The following CIMAP1D variants were observed in gnomAD, a reference collection of about 807,000 sequenced individuals.
The protein encoded by CIMAP1D is protein CIMAP1D.
At chr19:467,569 G>A in the CIMAP1D span, 4 of 894,110 alleles carry the variant, frequency 4.5e-6, no homozygotes, top group South Asian at 3.9e-5. Flanking sequence ...AGGATAAGAG[G>A]GGGAGGGAGG....
At chr19:467,225 G>C in the CIMAP1D span, among the ~76,000 whole-genome samples, 1 of 151,752 alleles carries the variant, frequency 6.6e-6, no homozygotes, top group Non-Finnish European at 1.5e-5. Flanking sequence ...TGGATGGACG[G>C]GTGGGTAGAT....
chr19:463,516 T>A, the CIMAP1D span: 1 of 400,746 alleles, frequency 2.5e-6, no homozygotes, highest in Non-Finnish European at 4.5e-6. Context: ...GGACGCCGAG[T>A]TCTGGGACAC....
At chr19:481,371 ATGGAGAAGGAATG>A in the CIMAP1D span, among the ~76,000 whole-genome samples, 1 of 132,374 alleles carries the variant, frequency 7.6e-6, no homozygotes, top group African/African-American at 3.0e-5. Context: ...GAGAACGATG[ATGGAGAAGGAATG>A]TGGGAAGGAT....
the CIMAP1D span, chr19:472,496 C>G: frequency 6.5e-7 from 1 of 1,542,130 alleles, no homozygotes; most frequent in South Asian, 1.2e-5. Flanking sequence ...AAGCCTGGCC[C>G]CGAGCCTGCA....
At chr19:481,002 CGAT>C in the CIMAP1D span, among the ~76,000 whole-genome samples, 5,161 of 94,924 alleles carry the variant, frequency 0.054, 708 homozygotes, top group African/African-American at 0.26. Flanking sequence ...TGATGGAAAA[CGAT>C]GACGGAGAAT....
chr19:489,005 C>A, the CIMAP1D span, among the ~76,000 whole-genome samples: 2 of 152,174 alleles, frequency 1.3e-5, no homozygotes, highest in South Asian at 4.1e-4. Context: ...CTCGGAGGAC[C>A]GCGGGCTAGA....
the CIMAP1D span, among the ~76,000 whole-genome samples, chr19:479,003 A>G: frequency 1.2e-4 from 18 of 152,356 alleles, 1 homozygote; most frequent in Middle Eastern, 6.8e-3. Context: ...ACGTGAGTGC[A>G]GAGGGCACGT....
chr19:464,317 G>C, the CIMAP1D span: 1 of 1,538,938 alleles, frequency 6.5e-7, no homozygotes, highest in Non-Finnish European at 8.7e-7. Context: ...CGCACAGGGG[G>C]CACCTTCTCT....
At chr19:472,323 G>T in the CIMAP1D span, 2 of 883,418 alleles carry the variant, frequency 2.3e-6, no homozygotes, top group Non-Finnish European at 3.3e-6. Context: ...GGGGTAAGGA[G>T]ACCCATCAGT....
At chr19:464,169 C>T in the CIMAP1D span, 1 of 1,504,846 alleles carries the variant, frequency 6.6e-7, no homozygotes, top group South Asian at 1.3e-5. Context: ...CACCGTGTAG[C>T]TGGGGCTGCT....
the CIMAP1D span, among the ~76,000 whole-genome samples, chr19:470,127 C>T: frequency 0.57 from 86,558 of 151,778 alleles, 28,072 homozygotes; most frequent in Non-Finnish European, 0.73. Flanking sequence ...AGCCTCCCCA[C>T]GCTGTCTCGG....
chr19:487,799 C>T, the CIMAP1D span, among the ~76,000 whole-genome samples: 1 of 152,170 alleles, frequency 6.6e-6, no homozygotes, highest in African/African-American at 2.4e-5. Flanking sequence ...CAATTTCTGC[C>T]TCCAAAGAAA....
At chr19:490,682 G>C in the CIMAP1D span, among the ~76,000 whole-genome samples, 1 of 152,212 alleles carries the variant, frequency 6.6e-6, no homozygotes, top group Non-Finnish European at 1.5e-5. Context: ...GGAGGCTTCA[G>C]GGCCAGGCGC....
chr19:474,317 T>C, the CIMAP1D span, among the ~76,000 whole-genome samples: 1 of 152,160 alleles, frequency 6.6e-6, no homozygotes, highest in Non-Finnish European at 1.5e-5. Context: ...GCTGGAAATA[T>C]TCCCTCCTCC....
the CIMAP1D span, among the ~76,000 whole-genome samples, chr19:478,079 C>A: frequency 6.6e-6 from 1 of 152,254 alleles, no homozygotes; most frequent in African/African-American, 2.4e-5. Context: ...TTGGACACAC[C>A]ATTTGCTCGT....
the CIMAP1D span, among the ~76,000 whole-genome samples, chr19:476,388 C>G: frequency 6.6e-6 from 1 of 151,970 alleles, no homozygotes; most frequent in Non-Finnish European, 1.5e-5. Flanking sequence ...TGGGGTTTCT[C>G]CATGTTGGCC....
the CIMAP1D span, among the ~76,000 whole-genome samples, chr19:491,149 T>C: frequency 1.3e-5 from 2 of 150,162 alleles, no homozygotes; most frequent in Non-Finnish European, 1.5e-5. Context: ...TGGTGGCACG[T>C]GCCTATAATC....
At chr19:478,058 A>G in the CIMAP1D span, among the ~76,000 whole-genome samples, 1 of 152,190 alleles carries the variant, frequency 6.6e-6, no homozygotes, top group Non-Finnish European at 1.5e-5. Context: ...AGGCCCTGTC[A>G]CTGCCCAACC....
chr19:466,041 GAT>G, the CIMAP1D span, among the ~76,000 whole-genome samples: 2,439 of 140,052 alleles, frequency 0.017, 84 homozygotes, highest in African/African-American at 0.056. Flanking sequence ...TGGGTGGGTG[GAT>G]GGGTGGGTGG....
Sources: allele counts gnomAD v4.1 joint callset (sites outside exome capture counted in the v4.1 genomes callset), GRCh38; gene constraint gnomAD v4.1.1; transcripts MANE v1.5; gene names NCBI Gene and HGNC (gene_info 2026-07-23, HGNC 2026-07-21).